Variants in SULF2 observed in about 807,000 individuals in gnomAD.
SULF2 encodes sulfatase 2.
In SULF2, 52 loss-of-function variants were observed where a neutral mutation model predicts 107.7. That is an observed-to-expected ratio of 0.48 (90% confidence interval 0.39 to 0.61). SULF2 has a LOEUF of 0.61. SULF2 is among the 20% of genes least tolerant of loss of function. The pLI, the probability that SULF2 is intolerant of heterozygous loss-of-function variation, is 0.00. For synonymous variants in SULF2, 460 were observed against 464.3 expected (o/e 0.99, Z 0.12); for missense variants, 993 against 1,177.3 (o/e 0.84, Z 2.29).
chr20:47,747,242 G>A, intron 2 of SULF2, among the ~76,000 whole-genome samples: 1 of 152,072 alleles, frequency 6.6e-6, no homozygotes, highest in Admixed American at 6.5e-5. Flanking sequence ...TGTTATTGCT[G>A]GTTTCAGCTA....
At chr20:47,691,288 G>C (rs2088189192) in intron 4 of SULF2, among the ~76,000 whole-genome samples, 1 of 152,224 alleles carries the variant, frequency 6.6e-6, no homozygotes, top group South Asian at 2.1e-4. Flanking sequence ...ATGTAACAAA[G>C]AGTAACTGGG....
In SULF2 at chr20:47,684,460, G is replaced by C; in HGVS notation, c.859C>G (p.Leu287Val). ...TCCATGGAGTCGTCCACCGACATGA[G>C]GGTCTGCAAGCGCTTCCGCTGGAGC... ...NMLQRKRLQT[L>V]MSVDDSMETI... The change falls in exon 6 of 21, where the codon CTC becomes GTC. Residue 287 changes from leucine to valine, a missense_variant. Physicochemically the swap from Leu to Val is conservative, Grantham distance 32 (BLOSUM62 1). Transcript: ENST00000688720. The C allele has an allele frequency of 3.1e-6, 5 of 1,613,520 alleles. No individual in the cohort carries two copies. Among genetic ancestry groups the C allele is most frequent in the Non-Finnish European group, 4.2e-6 (5 of 1,179,742 alleles).
chr20:47,662,982 G>T, intron 17 of SULF2, 88 bp downstream of exon 17: 1 of 1,474,116 alleles, frequency 6.8e-7, no homozygotes, highest in Non-Finnish European at 9.3e-7. Context: ...TGGACAATTT[G>T]TCATCACTTC....
chr20:47,663,583 C>T lies in SULF2; in HGVS notation c.2097G>A (p.Arg699=), dbSNP rs367858523. ...LQEKDKVWLL[R]EQKRKKKLRK... ...GGAGTTTCTTCTTGCGCTTCTGCTC[C>T]CGCAACAGCCACACCTTGTCCTTCT... The change falls in exon 16 of 21, where the codon CGG becomes CGA. Residue 699 remains arginine, a synonymous_variant. Transcript: ENST00000688720. 2 of 1,608,352 alleles carry T rather than the reference C, an allele frequency of 1.2e-6. No individual in the cohort carries two copies. The highest frequency in any genetic ancestry group is 2.7e-5 in the African/African-American group (2 of 74,906).
At position 47,710,586 on chromosome 20, in the gene SULF2, A is replaced by G. The variant is rs956015089; in HGVS notation, c.416-7916T>C. Among the ~76,000 whole-genome samples, 48 of 150,822 alleles carry G rather than the reference A, an allele frequency of 3.2e-4. 3 individuals are homozygous for G. The highest frequency in any genetic ancestry group is 9.0e-4 in the African/African-American group (36 of 40,154). The stretch of plus-strand genomic sequence containing the variant: ...GACACGTTTCTCAGCATGTATCCCC[A>G]TTGTTACGTGACACACGACTGTACA... On this transcript the variant is annotated intron_variant, in intron 3 of 20. Transcript: ENST00000688720.
intron 5 of SULF2, among the ~76,000 whole-genome samples, chr20:47,687,248 C>A (rs770970002): frequency 6.6e-6 from 1 of 152,126 alleles, no homozygotes; most frequent in African/African-American, 2.4e-5. Flanking sequence ...GGCAGCAGAG[C>A]CGGGTGGTGC....
intron 2 of SULF2, among the ~76,000 whole-genome samples, chr20:47,742,867 A>G (rs2089917818): frequency 1.3e-5 from 2 of 151,346 alleles, no homozygotes; most frequent in Admixed American, 6.6e-5. Context: ...TCTAAGTCAG[A>G]GCAAACACTA....
intron 1 of SULF2, among the ~76,000 whole-genome samples, chr20:47,761,176 A>G (rs936589524): frequency 5.9e-5 from 9 of 152,104 alleles, no homozygotes; most frequent in Admixed American, 3.9e-4. Context: ...ATCTCCTTCA[A>G]CCTCCACCAA....
intron 11 of SULF2, among the ~76,000 whole-genome samples, chr20:47,670,497 G>A (rs999294936): frequency 4.6e-5 from 7 of 150,798 alleles, no homozygotes; most frequent in Non-Finnish European, 7.4e-5. Flanking sequence ...CGATCAGGAA[G>A]GAGATTCCAA....
At chr20:47,741,411 C>T (rs2089878945) in intron 2 of SULF2, among the ~76,000 whole-genome samples, 1 of 152,142 alleles carries the variant, frequency 6.6e-6, no homozygotes, top group Non-Finnish European at 1.5e-5. Flanking sequence ...CCCTTCTTGT[C>T]TTTACTCAAA....
intron 3 of SULF2, among the ~76,000 whole-genome samples, chr20:47,719,895 T>C (rs2089235804): frequency 6.6e-6 from 1 of 152,214 alleles, no homozygotes; most frequent in South Asian, 2.1e-4. Context: ...TTTACTAATC[T>C]CCACCATGCA....
chr20:47,705,960 G>A (rs765980507), intron 3 of SULF2, among the ~76,000 whole-genome samples: 3 of 151,734 alleles, frequency 2.0e-5, no homozygotes, highest in Non-Finnish European at 4.4e-5. Context: ...CATGATGCCC[G>A]GCTAATTTTT....
intron 1 of SULF2, among the ~76,000 whole-genome samples, chr20:47,778,962 C>T (rs577867415): frequency 2.6e-5 from 4 of 152,318 alleles, no homozygotes; most frequent in South Asian, 2.1e-4. Context: ...CAGCCCCGAC[C>T]GGCTGCAGAC....
intron 1 of SULF2, among the ~76,000 whole-genome samples, chr20:47,776,607 C>A (rs2090730086): frequency 6.6e-6 from 1 of 152,190 alleles, no homozygotes; most frequent in Admixed American, 6.5e-5. Flanking sequence ...TTTTCAAGGG[C>A]ACATGCAGAA....
At chr20:47,700,272 G>C (rs1448442176) in intron 4 of SULF2, among the ~76,000 whole-genome samples, 1 of 152,182 alleles carries the variant, frequency 6.6e-6, no homozygotes, top group African/African-American at 2.4e-5. Flanking sequence ...CTTCCTTAGA[G>C]CATGGCCATG....
chr20:47,672,169 G>C, intron 11 of SULF2, 29 bp downstream of exon 11: 2 of 1,580,938 alleles, frequency 1.3e-6, no homozygotes, highest in Non-Finnish European at 1.7e-6. Flanking sequence ...CTCTCCTCCT[G>C]TCCCACTCAG....
rs1359412040 is a variant in SULF2 at position 47,659,423 on chromosome 20, A to G, written c.2558T>C (p.Met853Thr). ...RQFQRRKWPE[M>T]KRPSSKSLGQ... Reference sequence around the variant, plus strand: ...CAGTGATTTGGAAGAAGGTCTCTTCATTTCTGGCCACTTTCGACGCTGAAA... The same window carrying G: ...CAGTGATTTGGAAGAAGGTCTCTTCGTTTCTGGCCACTTTCGACGCTGAAA... Residue 853 changes from methionine to threonine, a missense_variant, in exon 20 of 21, where the codon ATG (methionine) becomes ACG (threonine). This residue lies in a region of SULF2 where 497 missense variants were observed against 544.1 expected (regional missense o/e 0.91). Transcript: ENST00000688720. 1.2e-6 allele frequency: 2 copies of G among 1,614,176 alleles called. No homozygotes were observed. The highest frequency in any genetic ancestry group is 8.5e-7 in the Non-Finnish European group (1 of 1,180,020).
At chr20:47,705,764 G>C (rs1194449355) in intron 3 of SULF2, among the ~76,000 whole-genome samples, 2 of 151,612 alleles carry the variant, frequency 1.3e-5, no homozygotes, top group African/African-American at 2.4e-5. Flanking sequence ...AGGACAAAAT[G>C]TCAGCAGCGC....
At position 47,736,895 on chromosome 20, in the gene SULF2, C is replaced by A; in HGVS notation, c.223G>T (p.Gly75Trp). 1.9e-6 allele frequency: 3 copies of A among 1,614,208 alleles called. No homozygotes were observed. In the South Asian group the frequency reaches 3.3e-5, roughly 18 times the overall value. Reference sequence around the variant, plus strand: ...ACGAAGGCGTTGATGAAGTGCGCCCCGCCCTGCTCCATGATGCGCCGGGTC... The same window carrying A: ...ACGAAGGCGTTGATGAAGTGCGCCCAGCCCTGCTCCATGATGCGCCGGGTC... ...NKTRRIMEQG[G>W]AHFINAFVTT... Residue 75 changes from glycine (G) to tryptophan (W), a missense_variant, in exon 3 of 21, where the codon GGG becomes TGG. Coordinates refer to ENST00000688720, the MANE Select transcript of SULF2 (RefSeq NM_001387048.1).
Sources: allele counts gnomAD v4.1 joint callset (sites outside exome capture counted in the v4.1 genomes callset), GRCh38; gene constraint gnomAD v4.1.1; regional missense constraint gnomAD v4.1.1; transcripts MANE v1.5; gene names NCBI Gene and HGNC (gene_info 2026-07-23, HGNC 2026-07-21).